The following GALK2 variants were observed in gnomAD, a reference collection of about 807,000 sequenced individuals.
GALK2 encodes the protein galactokinase 2, also known as N-acetylgalactosamine kinase.
In GALK2, 36 loss-of-function variants were observed where a neutral mutation model predicts 52.4. The ratio of observed to expected loss-of-function variants is 0.69; its 90% CI spans 0.53 to 0.91. GALK2 has a LOEUF of 0.91. Ranked by LOEUF, GALK2 falls within the 40% of genes least tolerant of loss-of-function variation. The pLI, the probability that GALK2 is intolerant of heterozygous loss-of-function variation, is 0.00. For missense variants in GALK2, 579 were observed against 559.1 expected, an observed-to-expected ratio of 1.04 and a Z score of -0.36; for synonymous variants, 176 against 199.1, an observed-to-expected ratio of 0.88 and a Z score of 0.98.
At chr15:49,189,365 G>A (rs1193707627) in intron 1 of GALK2, among the ~76,000 whole-genome samples, 3 of 152,146 alleles carry the variant, frequency 2.0e-5, no homozygotes, top group Admixed American at 6.5e-5. Flanking sequence ...AGTGTTACCA[G>A]TTATCCTACT....
chr15:49,264,987 G>A (rs1168618031), intron 5 of GALK2, among the ~76,000 whole-genome samples: 6 of 152,172 alleles, frequency 3.9e-5, no homozygotes, highest in Non-Finnish European at 5.9e-5. Context: ...GCCCCTACTG[G>A]GGGGTGCCTC....
At chr15:49,168,528 G>GC (rs1782043556), upstream of GALK2, among the ~76,000 whole-genome samples, 1 of 152,124 alleles carries the variant, frequency 6.6e-6, no homozygotes, top group African/African-American at 2.4e-5. Flanking sequence ...AGACCAGCCT[G>GC]CCCAGCATGG....
chr15:49,264,475 A>T (rs949337200), intron 5 of GALK2, among the ~76,000 whole-genome samples: 1 of 151,982 alleles, frequency 6.6e-6, no homozygotes, highest in African/African-American at 2.4e-5. Context: ...ATTCGTCTAA[A>T]TTTTTTTCAA....
intron 5 of GALK2, among the ~76,000 whole-genome samples, chr15:49,277,790 G>A (rs921316492): frequency 4.6e-4 from 70 of 151,636 alleles, no homozygotes; most frequent in African/African-American, 1.5e-3. Flanking sequence ...GTGAGACTCC[G>A]TCTCAAACAA....
intron 3 of GALK2, among the ~76,000 whole-genome samples, chr15:49,227,583 A>G (rs1186273511): frequency 6.6e-6 from 1 of 151,622 alleles, no homozygotes; most frequent in Non-Finnish European, 1.5e-5. Flanking sequence ...TTTTTAAATC[A>G]GTTATCCTAG....
chr15:49,310,156 A>T (rs1321387559), intron 8 of GALK2, among the ~76,000 whole-genome samples: 1 of 152,082 alleles, frequency 6.6e-6, no homozygotes, highest in Non-Finnish European at 1.5e-5. Flanking sequence ...TCTGTGCCTG[A>T]TTTATCTCAC....
chr15:49,189,594 A>G (rs368906971), intron 1 of GALK2, among the ~76,000 whole-genome samples: 1 of 152,212 alleles, frequency 6.6e-6, no homozygotes, highest in Admixed American at 6.5e-5. Flanking sequence ...CAGTATGCCA[A>G]CATCACTACT....
At chr15:49,171,301 C>G (rs2085077719) in intron 1 of GALK2, among the ~76,000 whole-genome samples, 2 of 152,020 alleles carry the variant, frequency 1.3e-5, no homozygotes, top group South Asian at 2.1e-4. Context: ...AGGCTGGTCT[C>G]GAGCTCCTGA....
chr15:49,180,219 T>C (rs138836578), intron 1 of GALK2, among the ~76,000 whole-genome samples: 2 of 152,310 alleles, frequency 1.3e-5, no homozygotes, highest in Admixed American at 1.3e-4. Flanking sequence ...GCAGTCCTTA[T>C]AAAAACAAAT....
chr15:49,204,666 A>G (rs746711954), intron 2 of GALK2, among the ~76,000 whole-genome samples: 12 of 152,242 alleles, frequency 7.9e-5, no homozygotes, highest in Non-Finnish European at 1.8e-4. Flanking sequence ...TAGTGATTTT[A>G]AAAATTTTTT....
rs2089464915 is a variant in GALK2, at chr15:49,217,387, T to C, written c.266+74T>C. ...ACCCAAATGAACTCTTTAGGAGACA[T>C]CAAATTTGTAACAGGTCATTTAACT... On this transcript the variant is annotated intron_variant, in intron 3 of 9. Transcript: ENST00000560031. 18 of 1,383,288 alleles carry C rather than the reference T, an allele frequency of 1.3e-5. No homozygotes were observed. The South Asian group carries it at 2.8e-4, about 22-fold the overall frequency. The allele number at this position is 1,383,288 out of a possible 1,614,324, so 85.7% of individuals were successfully genotyped here. A position where few individuals can be genotyped will look rare whatever the true frequency, so the allele number is the denominator to read the frequency against.
chr15:49,305,692 TA>T (rs1386019059), intron 8 of GALK2, among the ~76,000 whole-genome samples: 1 of 151,928 alleles, frequency 6.6e-6, no homozygotes, highest in East Asian at 1.9e-4. Flanking sequence ...TATTTTAGCC[TA>T]AAAAGGGAAG....
chr15:49,283,047 A>G (rs918871675), intron 6 of GALK2, among the ~76,000 whole-genome samples: 17 of 151,972 alleles, frequency 1.1e-4, no homozygotes, highest in Admixed American at 4.6e-4. Flanking sequence ...TCACCCCTCA[A>G]ACTGTAAGCT....
chr15:49,195,359 CAG>C, intron 1 of GALK2: 3 of 204,284 alleles, frequency 1.5e-5, no homozygotes, highest in Non-Finnish European at 3.1e-5. Context: ...GCATGAGCCA[CAG>C]TGCCCAGCCC....
At position 49,250,477 on chromosome 15, in the gene GALK2, G is replaced by T. The variant is rs143017048; in HGVS notation, c.504+11110G>T. Among the ~76,000 whole-genome samples, 3 of 152,252 alleles carry T rather than the reference G, an allele frequency of 2.0e-5. No individual in the cohort carries two copies. The East Asian group carries it at 5.8e-4, about 29-fold the overall frequency. On this transcript the variant is annotated intron_variant, in intron 5 of 9. Coordinates refer to ENST00000560031, the MANE Select transcript of GALK2 (RefSeq NM_002044.4). ...AACTTTGTGGTAGTCTTGTAAATAA[G>T]TTTTACTACTATTTCAATTTTGCAG...
intron 7 of GALK2, among the ~76,000 whole-genome samples, chr15:49,285,258 GA>G (rs1039271935): frequency 6.6e-6 from 1 of 152,060 alleles, no homozygotes; most frequent in African/African-American, 2.4e-5. Context: ...TTTCCCTCTT[GA>G]AATATTCTCT....
chr15:49,215,491 T>A (rs1181076222), intron 2 of GALK2, among the ~76,000 whole-genome samples: 2 of 151,920 alleles, frequency 1.3e-5, no homozygotes, highest in East Asian at 3.9e-4. Flanking sequence ...TATTTATTTT[T>A]CTTGATCGAT....
At chr15:49,161,007 T>G (rs751602867) in intron 1 of GALK2, among the ~76,000 whole-genome samples, 2 of 152,214 alleles carry the variant, frequency 1.3e-5, no homozygotes, top group Non-Finnish European at 1.5e-5. Context: ...CTCAGAGTAA[T>G]CAAAGTTTCA....
At chr15:49,181,821 CTCTA>C (rs771191904) in intron 1 of GALK2, among the ~76,000 whole-genome samples, 1 of 151,856 alleles carries the variant, frequency 6.6e-6, no homozygotes, top group Non-Finnish European at 1.5e-5. Context: ...CTTTATCATT[CTCTA>C]TCTCTGTTTT....
Sources: gnomAD v4.1 joint callset for allele counts (sites outside exome capture counted in the v4.1 genomes callset) on GRCh38, gnomAD v4.1.1 for gene constraint, MANE v1.5 for transcripts, NCBI Gene and HGNC (gene_info 2026-07-23, HGNC 2026-07-21) for gene names.